DHX30: variants seen among roughly 807,000 people sequenced by gnomAD.
The protein encoded by DHX30 is DExH-box helicase 30.
Under a neutral mutation model 116.9 loss-of-function variants are expected in DHX30, and 4 were observed. That is an observed-to-expected ratio of 0.03 (90% CI 0.02 to 0.08). The LOEUF (loss-of-function observed/expected upper bound fraction) is 0.08, where lower values mean the gene tolerates loss of function less well. DHX30 is among the 10% of genes least tolerant of loss of function. The pLI is 1.00. For missense variants in DHX30, 871 were observed against 1,595.1 expected, an observed-to-expected ratio of 0.55 and a Z score of 7.73; for synonymous variants, 697 against 651.7, an observed-to-expected ratio of 1.07 and a Z score of -1.06.
intron 5 of DHX30, among the ~76,000 whole-genome samples, chr3:47,827,963 A>T (rs1376935082): frequency 6.6e-6 from 1 of 151,980 alleles, no homozygotes; most frequent in Non-Finnish European, 1.5e-5. Context: ...GGATCAAGTG[A>T]TCCTCCCGCC....
intron 9 of DHX30, among the ~76,000 whole-genome samples, chr3:47,845,343 C>A (rs968190365): frequency 2.0e-5 from 3 of 151,968 alleles, no homozygotes; most frequent in African/African-American, 7.3e-5. Flanking sequence ...GCCGGCCCCC[C>A]ACCTGGCTAA....
chr3:47,836,182 A>G (rs1330745002), intron 6 of DHX30, among the ~76,000 whole-genome samples: 1 of 152,068 alleles, frequency 6.6e-6, no homozygotes, highest in African/African-American at 2.4e-5. Flanking sequence ...CAATGGTGCA[A>G]TGGCGTGATC....
At chr3:47,849,426 C>A (rs751651932) in intron 19 of DHX30, 25 bp from the exon 20 acceptor site, 4 of 1,571,344 alleles carry the variant, frequency 2.5e-6, no homozygotes, top group Non-Finnish European at 3.5e-6. Flanking sequence ...CTCAGCCCCA[C>A]CCGTCTTTTC....
At chr3:47,840,585 G>A (rs546034536) in intron 6 of DHX30, among the ~76,000 whole-genome samples, 171 of 152,112 alleles carry the variant, frequency 1.1e-3, no homozygotes, top group Middle Eastern at 3.4e-3. Context: ...GTAGTGAGCC[G>A]TGATTGTGCC....
Position 47,840,985 on chromosome 3 carries a change from A to C in DHX30, c.475A>C (p.Thr159Pro), listed in dbSNP as rs2037347392. The C allele has an allele frequency of 6.2e-7, 1 of 1,614,166 alleles. No individual in the cohort carries two copies. The highest frequency in any genetic ancestry group is 1.1e-5 in the South Asian group (1 of 91,082). Residue 159 changes from threonine (T) to proline (P), a missense_variant, in exon 7 of 22, where the codon ACC (threonine) becomes CCC (proline). By Grantham distance (38) the Thr-to-Pro change is conservative. Transcript: ENST00000445061. ...CGACAGCTGGTGGCGTCCGGAACCC[A>C]CCATGCCCCCTACTTCCTGGCGGCA... is the stretch of plus-strand genomic sequence containing the variant. Reference protein sequence around the residue: ...PADSWWRPEPTMPPTSWRQLN... With the variant: ...PADSWWRPEPPMPPTSWRQLN...
chr3:47,845,994 G>C, intron 10 of DHX30, 142 bp downstream of exon 10: 1 of 1,439,524 alleles, frequency 6.9e-7, no homozygotes, highest in Non-Finnish European at 9.3e-7. Context: ...CCCCTGGCCT[G>C]AACAGCCCAG....
chr3:47,831,930 CTTTTTTT>C (rs147733795), intron 6 of DHX30, among the ~76,000 whole-genome samples: 2 of 127,466 alleles, frequency 1.6e-5, no homozygotes, highest in Non-Finnish European at 3.2e-5. Context: ...TTTCCTTTTT[CTTTTTTT>C]TTTTTTTTTT....
At chr3:47,820,996 C>T (rs911065521) in intron 4 of DHX30, among the ~76,000 whole-genome samples, 18 of 151,744 alleles carry the variant, frequency 1.2e-4, no homozygotes, top group African/African-American at 4.4e-4. Context: ...CTCTGTCACC[C>T]AGGCTGGAAT....
chr3:47,832,659 C>T (rs2036914126), intron 6 of DHX30, among the ~76,000 whole-genome samples: 1 of 148,286 alleles, frequency 6.7e-6, no homozygotes, highest in African/African-American at 2.5e-5. Flanking sequence ...CTTTTTGAGA[C>T]AGGATCTCAC....
intron 6 of DHX30, among the ~76,000 whole-genome samples, chr3:47,834,095 G>T (rs1300016958): frequency 6.6e-6 from 1 of 152,010 alleles, no homozygotes; most frequent in Non-Finnish European, 1.5e-5. Flanking sequence ...ATGAGATCAT[G>T]TGGTATTTTC....
rs200465272 is a variant in DHX30 at position 47,818,093 on chromosome 3, A to G, written c.100A>G (p.Thr34Ala). 6.8e-5 allele frequency: 53 copies of G among 780,638 alleles called. 1 individual carries two copies. Among genetic ancestry groups the G allele is most frequent in the Non-Finnish European group, 1.2e-4 (50 of 417,982 alleles). 48.4% of individuals were successfully genotyped at this position (780,638 alleles called of 1,614,324 possible). The change falls in exon 4 of 22, where the codon ACC (threonine) becomes GCC (alanine). Residue 34 changes from threonine to alanine, a missense_variant. Physicochemically the swap from Thr to Ala is moderately conservative, Grantham distance 58 (BLOSUM62 0). Transcript: ENST00000445061. Reference protein sequence around the residue: ...PRLPPMCVNPTPGGTISRASR... With the variant: ...PRLPPMCVNPAPGGTISRASR... The stretch of plus-strand genomic sequence containing the variant: ...CCTTCCACCCATGTGTGTCAACCCT[A>G]CCCCAGGAGGGACCATCTCTCGAGG...
chr3:47,817,654 C>T (rs1425743597), intron 3 of DHX30, among the ~76,000 whole-genome samples: 2 of 152,192 alleles, frequency 1.3e-5, no homozygotes, highest in African/African-American at 4.8e-5. Context: ...GAAGCAGACA[C>T]GTGGTGCTTT....
chr3:47,845,154 G>C (rs927752125), intron 9 of DHX30, among the ~76,000 whole-genome samples: 1 of 152,104 alleles, frequency 6.6e-6, no homozygotes, highest in African/African-American at 2.4e-5. Context: ...CTGTTCTGCT[G>C]TGACACATCA....
At position 47,827,494 on chromosome 3, in the gene DHX30, C is replaced by T. The variant is rs1189823183; in HGVS notation, c.255+17C>T. The T allele has an allele frequency of 1.2e-6, 2 of 1,603,164 alleles. No individual in the cohort carries two copies. The highest frequency in any genetic ancestry group is 2.2e-5 in the East Asian group (1 of 44,670). ...AAGAAAAAGGTAACTCTGCTGGTGG[C>T]AAGGAAAAACATTGGTATGACTCAG... On this transcript the variant is annotated intron_variant, in intron 5 of 21. Coordinates refer to ENST00000445061, the MANE Select transcript of DHX30 (RefSeq NM_138615.3).
rs1209920384 is a variant in DHX30 at position 47,848,327 on chromosome 3, C to T, written c.2434C>T (p.Leu812=). ...KMVPFQVPEI[L]RTPLENLVLQ... is the part of the protein sequence containing the mutation. ...GGTCCCTTTCCAAGTGCCAGAGATCCTGCGCACACCTCTTGAGAACCTGGT... is the reference window on the plus strand; with the variant it reads ...GGTCCCTTTCCAAGTGCCAGAGATCTTGCGCACACCTCTTGAGAACCTGGT... The change falls in exon 15 of 22, where the codon CTG becomes TTG. Residue 812 remains leucine, a synonymous_variant. Transcript: ENST00000445061. The surrounding 1 kb of genome is among the most constrained non-coding windows in gnomAD (Gnocchi z 9.4). 2 of 1,614,004 alleles carry T rather than the reference C, an allele frequency of 1.2e-6. No homozygotes were observed. The highest frequency in any genetic ancestry group is 1.7e-5 in the Admixed American group (1 of 60,004).
intron 4 of DHX30, among the ~76,000 whole-genome samples, chr3:47,822,660 C>T (rs1174091058): frequency 6.6e-6 from 1 of 152,020 alleles, no homozygotes; most frequent in African/African-American, 2.4e-5. Flanking sequence ...TGGCACGTAC[C>T]TGTAGTACCA....
At position 47,847,698 on chromosome 3, in the gene DHX30, T is replaced by G; in HGVS notation, c.2111-83T>G. Reference sequence around the variant, plus strand: ...CTGCGCCTGTTTCATCAAAATGGGGTCAAAATCCTTGCCCTGCCCACATTC... The same window carrying G: ...CTGCGCCTGTTTCATCAAAATGGGGGCAAAATCCTTGCCCTGCCCACATTC... On this transcript the variant is annotated intron_variant, in intron 13 of 21. Transcript: ENST00000445061. The surrounding 1 kb of genome is among the most constrained non-coding windows in gnomAD (Gnocchi z 5.5). 1.3e-6 allele frequency: 2 copies of G among 1,525,270 alleles called. No homozygotes were observed. The highest frequency in any genetic ancestry group is 1.8e-6 in the Non-Finnish European group (2 of 1,129,390). The allele number at this position is 1,525,270 out of a possible 1,614,324, so 94.5% of individuals were successfully genotyped here.
intron 5 of DHX30, among the ~76,000 whole-genome samples, chr3:47,828,376 C>T (rs547323713): frequency 6.7e-6 from 1 of 149,654 alleles, no homozygotes; most frequent in South Asian, 2.1e-4. Flanking sequence ...GAGGGGATTG[C>T]TTGAGCCCAG....
In DHX30 at chr3:47,805,357, A is replaced by G. The variant is rs913821930; in HGVS notation, c.-91A>G. On this transcript the variant is annotated 5_prime_UTR_variant, in exon 2 of 22. Transcript: ENST00000445061. ...GCCCAGCCTCGTGATGAGGAATAGC[A>G]AGGAGAGAATTCAGCTCCAGTTCAA... 3 of 398,994 alleles carry G rather than the reference A, an allele frequency of 7.5e-6. No homozygotes were observed. The highest frequency in any genetic ancestry group is 4.1e-5 in the African/African-American group (2 of 48,648). 24.7% of individuals were successfully genotyped at this position (398,994 alleles called of 1,614,324 possible). A position where few individuals can be genotyped will look rare whatever the true frequency, so the allele number is the denominator to read the frequency against.
Sources: gnomAD v4.1 joint callset for allele counts (sites outside exome capture counted in the v4.1 genomes callset) on GRCh38, gnomAD v4.1.1 for gene constraint, Gnocchi (gnomAD v3.1) non-coding constraint, MANE v1.5 for transcripts, NCBI Gene and HGNC (gene_info 2026-07-23, HGNC 2026-07-21) for gene names.